Variants in KRT16 observed in about 807,000 individuals in gnomAD.
KRT16 encodes the protein keratin 16.
In KRT16, 42 loss-of-function variants were observed where a neutral mutation model predicts 44.8. The observed-to-expected ratio is 0.94, with a 90% CI of 0.73 to 1.21. The LOEUF (loss-of-function observed/expected upper bound fraction) is 1.21. Ranked by LOEUF, KRT16 falls within the 50% of genes most tolerant of loss-of-function variation. The probability of loss-of-function intolerance (pLI) is 0.00; values close to 1 mark genes in which losing one functional copy is unlikely to be tolerated. For missense variants in KRT16, 561 were observed against 626.9 expected, an observed-to-expected ratio of 0.89 and a Z score of 1.12; for synonymous variants, 226 against 260.4, an observed-to-expected ratio of 0.87 and a Z score of 1.27.
Position 41,610,547 on chromosome 17 carries a change from G to T in KRT16, c.1064C>A (p.Ala355Glu). 1.2e-6 allele frequency: 2 copies of T among 1,612,052 alleles called. No homozygotes were observed. Residue 355 changes from alanine (A) to glutamate (E), a missense_variant, in exon 6 of 8, where the codon GCA (alanine) becomes GAA (glutamate). Ala to Glu is a moderately radical substitution (Grantham distance 107). Coordinates refer to ENST00000301653, the MANE Select transcript of KRT16 (RefSeq NM_005557.4). ...IELQSQLSMK[A>E]SLENSLEETK... The stretch of plus-strand genomic sequence containing the variant: ...CTCCTCCAGGCTGTTCTCCAGGGAT[G>T]CTTTCTGCAAGTGAGAGAGAGAAAA...
rs895484802 is a variant in KRT16 at position 41,610,771 on chromosome 17, G to T, written c.1059+83C>A. 72 of 1,600,934 alleles carry T rather than the reference G, an allele frequency of 4.5e-5. No homozygotes were observed. In the African/African-American group the frequency reaches 7.6e-4, roughly 17 times the overall value. ...CTGGTCCCATCCTGAGAAAAGAAAG[G>T]TGGAACTAGACTGTGGCTTTTTGAG... On this transcript the variant is annotated intron_variant, in intron 5 of 7. Coordinates refer to ENST00000301653, the MANE Select transcript of KRT16 (RefSeq NM_005557.4).
At position 41,610,908 on chromosome 17, in the gene KRT16, C is replaced by T. The variant is rs1597685024; in HGVS notation, c.1005G>A (p.Glu335=). ...CCAGGCCCTGGAGCACCCTCCGGAG[C>T]TCCGTCACCTCACTGCGGCTGCTCT... ...LVQSSRSEVT[E]LRRVLQGLEI... Residue 335 remains glutamate (E), a synonymous_variant, in exon 5 of 8, where the codon GAG becomes GAA. Transcript: ENST00000301653. 3 of 1,614,064 alleles carry T rather than the reference C, an allele frequency of 1.9e-6. No homozygotes were observed. The highest frequency in any genetic ancestry group is 1.1e-5 in the South Asian group (1 of 91,090).
chr17:41,611,165 G>A lies in KRT16; in HGVS notation c.837C>T (p.Gly279=), dbSNP rs368580381. 3.7e-5 allele frequency: 60 copies of A among 1,613,822 alleles called. 1 individual carries two copies. In the African/African-American group the frequency reaches 4.5e-4, roughly 12 times the overall value. ...CATTCAGGATGCGGCTCAGGTCCACGCCAGGTGCAGCATCCATCTCCACGT... is the reference window on the plus strand; with the variant it reads ...CATTCAGGATGCGGCTCAGGTCCACACCAGGTGCAGCATCCATCTCCACGT... ...DVNVEMDAAP[G]VDLSRILNEM... The change falls in exon 4 of 8, where the codon GGC becomes GGT. Residue 279 remains glycine (G), a synonymous_variant. Coordinates refer to ENST00000301653, the MANE Select transcript of KRT16 (RefSeq NM_005557.4).
At position 41,611,304 on chromosome 17, in the gene KRT16, C is replaced by A. The variant is rs376071668; in HGVS notation, c.771+41G>T. Reference sequence around the variant, plus strand: ...GCCCTGGGTGCATCTGGCAACCCCACCAAACCAGCCTCCCACCCCGGAAGC... The same window carrying A: ...GCCCTGGGTGCATCTGGCAACCCCAACAAACCAGCCTCCCACCCCGGAAGC... On this transcript the variant is annotated intron_variant, in intron 3 of 7. Coordinates refer to ENST00000301653, the MANE Select transcript of KRT16 (RefSeq NM_005557.4). 8.1e-6 allele frequency: 13 copies of A among 1,613,864 alleles called. 1 individual carries two copies. The highest frequency in any genetic ancestry group is 3.3e-4 in the Middle Eastern group (2 of 6,068).
In KRT16 at chr17:41,610,560, G is replaced by A; in HGVS notation, c.1060-9C>T. 6 of 1,611,710 alleles carry A rather than the reference G, an allele frequency of 3.7e-6. No individual in the cohort carries two copies. The highest frequency in any genetic ancestry group is 5.1e-6 in the Non-Finnish European group (6 of 1,179,634). ...TTCTCCAGGGATGCTTTCTGCAAGT[G>A]AGAGAGAGAAAAAGAGTCCATGGAG... On this transcript the variant is annotated splice_polypyrimidine_tract_variant and intron_variant, in intron 5 of 7. Coordinates refer to ENST00000301653, the MANE Select transcript of KRT16 (RefSeq NM_005557.4).
chr17:41,612,009 C>A (rs186018146), intron 1 of KRT16, 149 bp downstream of exon 1: 1 of 1,028,812 alleles, frequency 9.7e-7, no homozygotes, highest in Non-Finnish European at 1.5e-6. Flanking sequence ...GAAAAGGGAC[C>A]CTCTGCTACC....
chr17:41,612,619 T>C lies in KRT16; in HGVS notation c.70A>G (p.Ile24Val). Residue 24 changes from isoleucine to valine, a missense_variant, in exon 1 of 8, where the codon ATC becomes GTC. By Grantham distance (29) the Ile-to-Val change is conservative. Transcript: ENST00000301653. Reference sequence around the variant, plus strand: ...GAGATGCGGCTGGAGCCGCCCCCGATGCCGCCTCCGATGCCGCAGGAGCCC... The same window carrying C: ...GAGATGCGGCTGGAGCCGCCCCCGACGCCGCCTCCGATGCCGCAGGAGCCC... Reference protein sequence around the residue: ...MKGSCGIGGGIGGGSSRISSV... With the variant: ...MKGSCGIGGGVGGGSSRISSV... The C allele has an allele frequency of 2.5e-6, 4 of 1,596,806 alleles. No individual in the cohort carries two copies. The highest frequency in any genetic ancestry group is 3.4e-6 in the Non-Finnish European group (4 of 1,172,760).
At chr17:41,611,318 C>T (rs762939186) in intron 3 of KRT16, 27 bp downstream of exon 3, 6 of 1,613,916 alleles carry the variant, frequency 3.7e-6, no homozygotes, top group Non-Finnish European at 5.1e-6. Context: ...ACCAGCCTCC[C>T]ACCCCGGAAG....
intron 1 of KRT16, 131 bp downstream of exon 1, chr17:41,612,027 T>C (rs1316392020): frequency 2.5e-6 from 3 of 1,179,620 alleles, no homozygotes; most frequent in South Asian, 1.2e-5. Flanking sequence ...ACCACTTCCC[T>C]GGGTGATCCT....
At chr17:41,611,797 C>T in intron 1 of KRT16, 76 bp from the exon 2 acceptor site, 7 of 1,348,984 alleles carry the variant, frequency 5.2e-6, no homozygotes, top group Non-Finnish European at 7.3e-6. Context: ...CAGAAAGGGG[C>T]AAAAGGAACC....
At chr17:41,612,100 C>T in intron 1 of KRT16, 58 bp downstream of exon 1, 1 of 1,600,680 alleles carries the variant, frequency 6.2e-7, no homozygotes, top group Non-Finnish European at 8.5e-7. Context: ...AAAGAGGTAT[C>T]CCAAGGGCCA....
Position 41,612,077 on chromosome 17 carries a change from G to C in KRT16, c.531+81C>G, listed in dbSNP as rs762018934. 12 of 1,538,250 alleles carry C rather than the reference G, an allele frequency of 7.8e-6. No homozygotes were observed. In the East Asian group the frequency reaches 2.7e-4, roughly 35 times the overall value. ...GGTGCCCAGTCTCCCTGTTTGTAAA[G>C]TGTAATTGCTAAAAAGAGGTATCCC... is the stretch of plus-strand genomic sequence containing the variant. On this transcript the variant is annotated intron_variant, in intron 1 of 7. Transcript: ENST00000301653.
At position 41,611,105 on chromosome 17, in the gene KRT16, T is replaced by C; in HGVS notation, c.897A>G (p.Lys299=). Residue 299 remains lysine (K), a synonymous_variant, in exon 4 of 8, where the codon AAA becomes AAG. Coordinates refer to ENST00000301653, the MANE Select transcript of KRT16 (RefSeq NM_005557.4). ...ACCAGGTCTCAGCGTCTCTGCGGTT[T>C]TTCTCTGCCATCTGCTCGTACTGGT... ...MRDQYEQMAE[K]NRRDAETWFL... 6.2e-7 allele frequency: 1 copy of C among 1,614,000 alleles called. No homozygotes were observed. The highest frequency in any genetic ancestry group is 8.5e-7 in the Non-Finnish European group (1 of 1,179,868).
Position 41,612,712 on chromosome 17 carries a change from A to T in KRT16, c.-24T>A, listed in dbSNP as rs768296966. 1.9e-6 allele frequency: 3 copies of T among 1,570,940 alleles called. No individual in the cohort carries two copies. The Admixed American group carries it at 5.5e-5, about 29-fold the overall frequency. On this transcript the variant is annotated 5_prime_UTR_variant, in exon 1 of 8. Coordinates refer to ENST00000301653, the MANE Select transcript of KRT16 (RefSeq NM_005557.4). ...ATGGTGCCAAGGAGGGAGGTGAGCG[A>T]GTGAGCAGTTGGCTGAAAGAAGGAA...
rs749871692 is a variant in KRT16, at chr17:41,611,072, G to C, written c.930C>G (p.Ser310Arg). 12 of 1,613,900 alleles carry C rather than the reference G, an allele frequency of 7.4e-6. No individual in the cohort carries two copies. The highest frequency in any genetic ancestry group is 1.0e-5 in the Non-Finnish European group (12 of 1,179,886). The change falls in exon 4 of 8, where the codon AGC (serine) becomes AGG (arginine). Residue 310 changes from serine to arginine, a missense_variant. Ser to Arg is a moderately radical substitution (Grantham distance 110, BLOSUM62 -1). Transcript: ENST00000301653. ...TCACTGCGGGCCCGAGCCCCACCTTGCTCAGGAACCAGGTCTCAGCGTCTC... is the reference window on the plus strand; with the variant it reads ...TCACTGCGGGCCCGAGCCCCACCTTCCTCAGGAACCAGGTCTCAGCGTCTC... Reference protein sequence around the residue: ...NRRDAETWFLSKTEELNKEVA... With the variant: ...NRRDAETWFLRKTEELNKEVA...
intron 5 of KRT16, 103 bp downstream of exon 5, chr17:41,610,751 C>A: frequency 6.4e-7 from 1 of 1,574,118 alleles, no homozygotes; most frequent in South Asian, 1.1e-5. Flanking sequence ...GTCCCCTGGT[C>A]CCATCCTGAG....
chr17:41,612,525 C>G lies in KRT16; in HGVS notation c.164G>C (p.Arg55Pro), dbSNP rs1445424962. The change falls in exon 1 of 8, where the codon CGC becomes CCC. Residue 55 changes from arginine (R) to proline (P), a missense_variant. Transcript: ENST00000301653. ...TYGGGLSVSS[R>P]FSSGGACGLG... ...CCCGCAGGCTCCCCCAGAGGAGAAG[C>G]GAGAGGAGACAGACAGGCCGCCCCC... 4.4e-6 allele frequency: 7 copies of G among 1,599,462 alleles called. No individual in the cohort carries two copies. Among genetic ancestry groups the G allele is most frequent in the African/African-American group, 1.3e-5 (1 of 74,534 alleles).
intron 7 of KRT16, 49 bp downstream of exon 7, chr17:41,610,141 T>C (rs762413188): frequency 2.5e-6 from 4 of 1,609,698 alleles, no homozygotes; most frequent in East Asian, 4.5e-5. Flanking sequence ...CCCCACTCCA[T>C]GGAAACAGGC....
chr17:41,612,441 C>G lies in KRT16; in HGVS notation c.248G>C (p.Gly83Ala). Residue 83 changes from glycine (G) to alanine (A), a missense_variant, in exon 1 of 8, where the codon GGG (glycine) becomes GCG (alanine). By Grantham distance (60) the Gly-to-Ala change is moderately conservative (BLOSUM62 0). Transcript: ENST00000301653. ...ACCAAGGCCACCACCATATCCTCCC[C>G]CGAAGCCACTACCAAAGCTGCTGCT... ...SSSSSFGSGF[G>A]GGYGGGLGAG... The G allele has an allele frequency of 6.2e-7, 1 of 1,613,778 alleles. No individual in the cohort carries two copies. The highest frequency in any genetic ancestry group is 8.5e-7 in the Non-Finnish European group (1 of 1,179,872).
Sources: gnomAD v4.1 joint callset for allele counts on GRCh38, gnomAD v4.1.1 for gene constraint, MANE v1.5 for transcripts, NCBI Gene and HGNC (gene_info 2026-07-23, HGNC 2026-07-21) for gene names.